IMPA2: variants seen among roughly 807,000 people sequenced by gnomAD.
IMPA2 encodes the protein IMP 2.
IMPA2 carries 32 observed loss-of-function variants against 35.1 expected under a neutral mutation model. The ratio of observed to expected loss-of-function variants is 0.91; its 90% CI spans 0.69 to 1.23. The LOEUF is 1.23. Ranked by LOEUF, IMPA2 falls within the 50% of genes most tolerant of loss-of-function variation. The probability of loss-of-function intolerance (pLI) is 0.00; values close to 1 mark genes in which losing one functional copy is unlikely to be tolerated. For synonymous variants in IMPA2, 135 were observed against 160.6 expected (o/e 0.84, Z 1.20); for missense variants, 334 against 387.6 (o/e 0.86, Z 1.16).
chr18:11,984,857 A>C (rs1018298268), intron 1 of IMPA2, among the ~76,000 whole-genome samples: 1 of 151,206 alleles, frequency 6.6e-6, no homozygotes, highest in African/African-American at 2.4e-5. Flanking sequence ...AGTCCCAGCT[A>C]CTCAGGAGGC....
intron 1 of IMPA2, among the ~76,000 whole-genome samples, chr18:11,989,648 G>T (rs1906758527): frequency 6.6e-6 from 1 of 152,180 alleles, no homozygotes; most frequent in South Asian, 2.1e-4. Flanking sequence ...AGGGCAGAAG[G>T]CACTGCCCTT....
At chr18:12,004,317 C>T (rs1350788151) in intron 2 of IMPA2, among the ~76,000 whole-genome samples, 1 of 152,134 alleles carries the variant, frequency 6.6e-6, no homozygotes, top group Non-Finnish European at 1.5e-5. Flanking sequence ...AGGCACTCAG[C>T]TGTCAAAATT....
At position 12,010,296 on chromosome 18, in the gene IMPA2, A is replaced by G. The variant is rs1907397509; in HGVS notation, c.335+309A>G. 3.8e-6 allele frequency: 1 copy of G among 262,256 alleles called. No homozygotes were observed. Among genetic ancestry groups the G allele is most frequent in the Admixed American group, 5.2e-5 (1 of 19,236 alleles). The allele number at this position is 262,256 out of a possible 1,614,324, so 16.2% of individuals were successfully genotyped here. ...CTGACTCCCCTCACACCCCACCCCCACTGGAGAAAAAGGTGAGGTTGGGAT... is the reference window on the plus strand; with the variant it reads ...CTGACTCCCCTCACACCCCACCCCCGCTGGAGAAAAAGGTGAGGTTGGGAT... On this transcript the variant is annotated intron_variant, in intron 3 of 7. Coordinates refer to ENST00000269159, the MANE Select transcript of IMPA2 (RefSeq NM_014214.3). This position sits in a 1 kb window ranked among gnomAD's most constrained non-coding sequence, Gnocchi z 4.8.
intron 1 of IMPA2, 139 bp downstream of exon 1, chr18:11,981,904 G>T (rs1906510875): frequency 2.1e-6 from 1 of 469,324 alleles, no homozygotes; most frequent in Non-Finnish European, 3.4e-6. Flanking sequence ...GCGCGGAGCG[G>T]TGAAAGGAGC....
intron 4 of IMPA2, among the ~76,000 whole-genome samples, chr18:12,013,538 A>G (rs551499442): frequency 3.7e-4 from 57 of 152,308 alleles, no homozygotes; most frequent in South Asian, 2.3e-3. Context: ...TTAATTTTCC[A>G]GAGAGGTGAA....
chr18:12,011,303 T>C (rs1227677715), intron 3 of IMPA2, among the ~76,000 whole-genome samples: 1 of 152,194 alleles, frequency 6.6e-6, no homozygotes, highest in African/African-American at 2.4e-5. Flanking sequence ...ATTGTTGTGG[T>C]CTGAAGACAT....
At chr18:12,029,052 TG>T in intron 7 of IMPA2, 59 bp downstream of exon 7, 1 of 1,471,980 alleles carries the variant, frequency 6.8e-7, no homozygotes. Flanking sequence ...ACACTGTGGG[TG>T]GGGCACTTCC....
chr18:12,012,402 C>T (rs1385265477), intron 4 of IMPA2, 187 bp downstream of exon 4: 14 of 601,956 alleles, frequency 2.3e-5, no homozygotes, highest in Admixed American at 1.5e-4. Context: ...TTGGGGTGTG[C>T]GGGGTGGGGC....
At chr18:11,994,984 A>G (rs1906920136) in intron 1 of IMPA2, 1 of 152,282 alleles carries the variant, frequency 6.6e-6, no homozygotes, top group Non-Finnish European at 1.5e-5. Context: ...AGGCGGTTCC[A>G]TCAGGAGACT....
chr18:12,014,226 A>G (rs779167881), intron 4 of IMPA2, 39 bp from the exon 5 acceptor site: 42 of 1,410,900 alleles, frequency 3.0e-5, no homozygotes, highest in Non-Finnish European at 4.1e-5. Flanking sequence ...CAAACGAGTG[A>G]ACCATCTTTG....
chr18:12,012,422 G>A (rs1246201426), intron 4 of IMPA2: 9 of 582,654 alleles, frequency 1.5e-5, no homozygotes, highest in Non-Finnish European at 2.1e-5. Context: ...CTCCGTGGCT[G>A]GCCCTTGTCC....
chr18:11,986,085 G>C (rs1307759594), intron 1 of IMPA2, among the ~76,000 whole-genome samples: 45 of 152,120 alleles, frequency 3.0e-4, no homozygotes, highest in Non-Finnish European at 1.9e-4. Context: ...CTGTTTACTT[G>C]TAACAAAATC....
chr18:11,982,165 G>GT (rs1906521526), intron 1 of IMPA2, among the ~76,000 whole-genome samples: 1 of 152,144 alleles, frequency 6.6e-6, no homozygotes, highest in African/African-American at 2.4e-5. Flanking sequence ...CTGGGCTGCC[G>GT]TTTGATTGTC....
At chr18:11,993,457 G>A (rs916145376) in intron 1 of IMPA2, among the ~76,000 whole-genome samples, 2 of 152,326 alleles carry the variant, frequency 1.3e-5, no homozygotes, top group Non-Finnish European at 2.9e-5. Flanking sequence ...CAAGGCCCCC[G>A]AGTACACCTG....
intron 1 of IMPA2, among the ~76,000 whole-genome samples, chr18:11,989,802 T>TG (rs2143777800): frequency 6.6e-6 from 1 of 152,120 alleles, no homozygotes; most frequent in African/African-American, 2.4e-5. Context: ...GCTTGTCACT[T>TG]GCTCACCCCA....
intron 5 of IMPA2, among the ~76,000 whole-genome samples, chr18:12,020,963 G>A (rs1347374003): frequency 6.7e-6 from 1 of 149,122 alleles, no homozygotes; most frequent in South Asian, 2.1e-4. Context: ...AGTTCTTTTT[G>A]GTTACCTACT....
intron 2 of IMPA2, among the ~76,000 whole-genome samples, chr18:12,008,148 A>G (rs1338268147): frequency 6.6e-6 from 1 of 151,766 alleles, no homozygotes; most frequent in African/African-American, 2.4e-5. Context: ...GGCGCCCACC[A>G]CCACGCCCAG....
intron 1 of IMPA2, among the ~76,000 whole-genome samples, chr18:11,986,728 G>A (rs72873510): frequency 0.11 from 16,136 of 152,198 alleles, 1,051 homozygotes; most frequent in East Asian, 0.28. Flanking sequence ...TCCTGTGTCC[G>A]GAGTCCCTGT....
At chr18:11,981,900 A>G (rs1906510638) in intron 1 of IMPA2, 135 bp downstream of exon 1, 1 of 482,634 alleles carries the variant, frequency 2.1e-6, no homozygotes, top group Non-Finnish European at 3.2e-6. Flanking sequence ...CGGGGCGCGG[A>G]GCGGTGAAAG....
Sources: allele counts gnomAD v4.1 joint callset (sites outside exome capture counted in the v4.1 genomes callset), GRCh38; gene constraint gnomAD v4.1.1; non-coding constraint Gnocchi (gnomAD v3.1); transcripts MANE v1.5; gene names NCBI Gene and HGNC (gene_info 2026-07-23, HGNC 2026-07-21).